Variants in MKLN1 observed in about 807,000 individuals in gnomAD.
MKLN1 encodes muskelin.
A neutral mutation model predicts 99.0 loss-of-function variants in MKLN1; 18 were observed. The ratio of observed to expected loss-of-function variants is 0.18; its 90% CI spans 0.13 to 0.27. The LOEUF is 0.27. Ranked by LOEUF, MKLN1 falls within the 10% of genes least tolerant of loss-of-function variation. The probability of loss-of-function intolerance (pLI) is 1.00; values close to 1 mark genes in which losing one functional copy is unlikely to be tolerated. For synonymous variants in MKLN1, 288 were observed against 293.2 expected, an observed-to-expected ratio of 0.98 and a Z score of 0.18; for missense variants, 621 against 875.9, an observed-to-expected ratio of 0.71 and a Z score of 3.67.
rs548839750 is a variant in MKLN1 at position 131,163,962 on chromosome 7, T to C, written c.-297+21021T>C. Among the ~76,000 whole-genome samples the C allele has an allele frequency of 2.6e-5, 4 of 152,238 alleles. No individual in the cohort carries two copies. The South Asian group carries it at 8.3e-4, about 32-fold the overall frequency. Reference sequence around the variant, plus strand: ...TAGCTCCTTGGGCTATTTTTCCAAGTTGGGAAGGCAGGGGGAGGATTGGAA... The same window carrying C: ...TAGCTCCTTGGGCTATTTTTCCAAGCTGGGAAGGCAGGGGGAGGATTGGAA... On this transcript the variant is annotated intron_variant, in intron 2 of 7. Transcript: ENST00000416992.
chr7:131,327,758 G>T, upstream of MKLN1: 1 of 1,399,814 alleles, frequency 7.1e-7, no homozygotes, highest in Non-Finnish European at 9.3e-7. Context: ...ACATTGGCCC[G>T]GCGCTGGGCT....
chr7:131,388,382 A>G (rs527969827), intron 3 of MKLN1, among the ~76,000 whole-genome samples: 1 of 152,316 alleles, frequency 6.6e-6, no homozygotes, highest in East Asian at 1.9e-4. Flanking sequence ...TTTATTTAGG[A>G]TAAAGCAGAT....
At chr7:131,395,519 G>A (rs1478402939) in intron 4 of MKLN1, among the ~76,000 whole-genome samples, 2 of 145,654 alleles carry the variant, frequency 1.4e-5, no homozygotes, top group Non-Finnish European at 3.0e-5. Context: ...GTATGGTGGT[G>A]AGGCATACAG....
At position 131,404,225 on chromosome 7, in the gene MKLN1, T is replaced by C. The variant is rs75234811; in HGVS notation, c.703+4792T>C. On this transcript the variant is annotated intron_variant, in intron 6 of 17. Coordinates refer to ENST00000352689, the MANE Select transcript of MKLN1 (RefSeq NM_013255.5). ...GTATGTTTGGGTACTTCCAGTCTTA[T>C]AGAATGGGGCAGGAATCTAAAAGTG... Among the ~76,000 whole-genome samples the C allele has an allele frequency of 3.9e-5, 6 of 152,332 alleles. No individual in the cohort carries two copies. In the East Asian group the frequency reaches 9.6e-4, roughly 24 times the overall value.
intron 3 of MKLN1, among the ~76,000 whole-genome samples, chr7:131,225,016 T>G (rs1268352115): frequency 6.7e-6 from 1 of 148,380 alleles, no homozygotes; most frequent in Non-Finnish European, 1.5e-5. Flanking sequence ...GAGCTTGCAA[T>G]GAGCCAAGAT....
At chr7:131,133,820 G>GTTTTTTTTTTTTTTTTTTTTTTTTTTTTT (rs1563226583) in intron 1 of MKLN1, among the ~76,000 whole-genome samples, 1 of 24,060 alleles carries the variant, frequency 4.2e-5, no homozygotes. Flanking sequence ...TTTTAATTTG[G>GTTTTTTTTTTTTTTTTTTTTTTTTTTTTT]TTTTTTTTTT....
chr7:131,195,875 C>T (rs1796635828), intron 2 of MKLN1, among the ~76,000 whole-genome samples: 1 of 152,068 alleles, frequency 6.6e-6, no homozygotes, highest in South Asian at 2.1e-4. Context: ...CGCTTGAACC[C>T]AAGAGGCAGA....
At chr7:131,318,624 T>G (rs965280489) in intron 3 of MKLN1, among the ~76,000 whole-genome samples, 1 of 151,254 alleles carries the variant, frequency 6.6e-6, no homozygotes, top group African/African-American at 2.4e-5. Context: ...CTGAAGGAGA[T>G]AGAGACACAA....
rs185115669 is a variant in MKLN1 at position 131,426,943 on chromosome 7, C to T, written c.848-2090C>T. On this transcript the variant is annotated intron_variant, in intron 8 of 17. Coordinates refer to ENST00000352689, the MANE Select transcript of MKLN1 (RefSeq NM_013255.5). ...CTAATTTTTGTATTTTTGGTAGAGACGGGATTTCACCATGTTGACCAGGCT... is the reference window on the plus strand; with the variant it reads ...CTAATTTTTGTATTTTTGGTAGAGATGGGATTTCACCATGTTGACCAGGCT... Among the ~76,000 whole-genome samples the T allele has an allele frequency of 8.5e-4, 129 of 151,898 alleles. 1 individual carries two copies. Among genetic ancestry groups the T allele is most frequent in the Middle Eastern group, 6.8e-3 (2 of 294 alleles).
At chr7:131,296,718 A>G (rs572274855) in intron 3 of MKLN1, among the ~76,000 whole-genome samples, 1 of 152,090 alleles carries the variant, frequency 6.6e-6, no homozygotes, top group African/African-American at 2.4e-5. Context: ...GCAAGACCCC[A>G]TCTCTTTATT....
At chr7:131,469,041 T>A (rs2116634251) in intron 15 of MKLN1, among the ~76,000 whole-genome samples, 1 of 152,264 alleles carries the variant, frequency 6.6e-6, no homozygotes, top group African/African-American at 2.4e-5. Flanking sequence ...TACTGTAGCT[T>A]TTCCTTGTAC....
intron 3 of MKLN1, among the ~76,000 whole-genome samples, chr7:131,270,234 A>T (rs1308458201): frequency 6.6e-6 from 1 of 150,670 alleles, no homozygotes; most frequent in Non-Finnish European, 1.5e-5. Flanking sequence ...TTTTATTTTT[A>T]TTTTTTGAGA....
chr7:131,295,585 T>C (rs556472057), intron 3 of MKLN1, among the ~76,000 whole-genome samples: 1 of 151,994 alleles, frequency 6.6e-6, no homozygotes, highest in East Asian at 1.9e-4. Flanking sequence ...AAATATTTCA[T>C]ACAAATAGAG....
intron 2 of MKLN1, among the ~76,000 whole-genome samples, chr7:131,193,735 C>T (rs924040936): frequency 2.6e-5 from 4 of 151,964 alleles, no homozygotes; most frequent in South Asian, 2.1e-4. Context: ...TCATGGCTCA[C>T]GGCAGCCTCA....
chr7:131,329,010 T>G lies in MKLN1; in HGVS notation c.98+1013T>G, dbSNP rs752562135. Among the ~76,000 whole-genome samples the G allele has an allele frequency of 3.8e-4, 58 of 152,358 alleles. 1 individual carries two copies. Among genetic ancestry groups the G allele is most frequent in the Middle Eastern group, 6.8e-3 (2 of 294 alleles). Reference sequence around the variant, plus strand: ...GCAGATCCTGAAGAAAAGTGCTAGTTGTCCCTCTAACCATCTCACAGGACC... The same window carrying G: ...GCAGATCCTGAAGAAAAGTGCTAGTGGTCCCTCTAACCATCTCACAGGACC... On this transcript the variant is annotated intron_variant, in intron 1 of 17. Coordinates refer to ENST00000352689, the MANE Select transcript of MKLN1 (RefSeq NM_013255.5).
chr7:131,345,908 A>G (rs141505644), intron 1 of MKLN1, among the ~76,000 whole-genome samples: 2,359 of 152,320 alleles, frequency 0.015, 53 homozygotes, highest in African/African-American at 0.053. Context: ...TCAATAATAT[A>G]CTTATGAAAT....
intron 2 of MKLN1, among the ~76,000 whole-genome samples, chr7:131,145,645 G>GA (rs1022930301): frequency 4.6e-5 from 7 of 152,242 alleles, no homozygotes; most frequent in Non-Finnish European, 1.0e-4. Context: ...GTGTAAGGGG[G>GA]ATGGTGATAA....
intron 2 of MKLN1, among the ~76,000 whole-genome samples, chr7:131,162,814 A>C (rs2116317209): frequency 6.6e-6 from 1 of 152,394 alleles, no homozygotes; most frequent in African/African-American, 2.4e-5. Flanking sequence ...CATTTTTTAC[A>C]TGTTGAAATG....
chr7:131,242,144 G>T (rs1797413178), intron 3 of MKLN1, among the ~76,000 whole-genome samples: 1 of 152,180 alleles, frequency 6.6e-6, no homozygotes, highest in African/African-American at 2.4e-5. Flanking sequence ...GCTGGCCAAG[G>T]CTAAGATGAC....
Sources: gnomAD v4.1 joint callset for allele counts (sites outside exome capture counted in the v4.1 genomes callset) on GRCh38, gnomAD v4.1.1 for gene constraint, MANE v1.5 for transcripts, NCBI Gene and HGNC (gene_info 2026-07-23, HGNC 2026-07-21) for gene names.